The following EPB41L1 variants were observed in gnomAD, a reference collection of about 807,000 sequenced individuals.
EPB41L1 encodes the protein erythrocyte membrane protein band 4.1 like 1, also known as band 4.1-like protein 1.
A neutral mutation model predicts 97.8 loss-of-function variants in EPB41L1; 29 were observed. The observed-to-expected ratio is 0.30, with a 90% CI of 0.22 to 0.40. EPB41L1 has a LOEUF of 0.40. Among genes scored for constraint, EPB41L1 ranks in the 10% least tolerant of loss-of-function variants. The pLI is 1.00. For missense variants in EPB41L1, 812 were observed against 1,162.3 expected (o/e 0.70, Z 4.38); for synonymous variants, 383 against 459.2 (o/e 0.83, Z 2.12).
At chr20:36,222,882 T>C (rs1188215429) in intron 21 of EPB41L1, among the ~76,000 whole-genome samples, 1 of 152,128 alleles carries the variant, frequency 6.6e-6, no homozygotes. Context: ...TTGATCCCTT[T>C]TGTCTTGCTT....
At chr20:36,197,028 A>T (rs1368355073) in intron 13 of EPB41L1, among the ~76,000 whole-genome samples, 2 of 152,068 alleles carry the variant, frequency 1.3e-5, no homozygotes, top group Admixed American at 6.5e-5. Context: ...CTGGTCTCTA[A>T]TTCTCCTAAT....
intron 2 of EPB41L1, among the ~76,000 whole-genome samples, chr20:36,115,168 A>G (rs928576956): frequency 1.7e-4 from 26 of 152,100 alleles, no homozygotes; most frequent in Non-Finnish European, 5.9e-5. Context: ...TTATTTCCCC[A>G]TATTATCGAT....
At chr20:36,193,705 C>T (rs2062061596) in intron 11 of EPB41L1, among the ~76,000 whole-genome samples, 1 of 152,194 alleles carries the variant, frequency 6.6e-6, no homozygotes, top group East Asian at 1.9e-4. Context: ...ACTAGTAAAG[C>T]TAGTCTCACA....
At chr20:36,188,036 C>G (rs2061758722) in intron 8 of EPB41L1, among the ~76,000 whole-genome samples, 4 of 152,170 alleles carry the variant, frequency 2.6e-5, no homozygotes, top group Admixed American at 2.6e-4. Flanking sequence ...ATTTCTATAT[C>G]CCTAGCACCT....
chr20:36,092,842 G>T lies in EPB41L1; in HGVS notation c.-65+1230G>T, dbSNP rs1282825390. 3 of 152,430 alleles carry T rather than the reference G, an allele frequency of 2.0e-5. No individual in the cohort carries two copies. The highest frequency in any genetic ancestry group is 4.4e-5 in the Non-Finnish European group (3 of 68,046). 9.4% of individuals were successfully genotyped at this position (152,430 alleles called of 1,614,324 possible). A position where few individuals can be genotyped will look rare whatever the true frequency, so the allele number is the denominator to read the frequency against. On this transcript the variant is annotated intron_variant, in intron 1 of 19. Coordinates refer to the EPB41L1 transcript ENST00000202028. This position sits in a 1 kb window ranked among gnomAD's most constrained non-coding sequence, Gnocchi z 7.0. ...AGCCGCACCCGCCGTCCCCCTCCGCGTCCCGGGGACCCCGCCGCGTCGGGT... is the reference window on the plus strand; with the variant it reads ...AGCCGCACCCGCCGTCCCCCTCCGCTTCCCGGGGACCCCGCCGCGTCGGGT...
intron 21 of EPB41L1, among the ~76,000 whole-genome samples, chr20:36,224,699 T>C (rs1242035151): frequency 6.6e-6 from 1 of 152,210 alleles, no homozygotes; most frequent in Non-Finnish European, 1.5e-5. Flanking sequence ...AACTTTTTAA[T>C]GGAAACTAAA....
At chr20:36,117,383 G>A (rs889219333) in intron 2 of EPB41L1, among the ~76,000 whole-genome samples, 16 of 152,058 alleles carry the variant, frequency 1.1e-4, no homozygotes, top group Non-Finnish European at 5.9e-5. Context: ...AGGAATTCCA[G>A]CATTTCTGTA....
At chr20:36,225,925 C>T (rs1240133394) in intron 21 of EPB41L1, among the ~76,000 whole-genome samples, 1 of 152,180 alleles carries the variant, frequency 6.6e-6, no homozygotes, top group African/African-American at 2.4e-5. Context: ...CTCTTTAGTT[C>T]TTTCTTTGCT....
At chr20:36,097,722 A>G (rs1330125837) in intron 1 of EPB41L1, among the ~76,000 whole-genome samples, 1 of 152,218 alleles carries the variant, frequency 6.6e-6, no homozygotes, top group Non-Finnish European at 1.5e-5. Context: ...CCGTCTGGGT[A>G]TTTGAAATAG....
At position 36,195,474 on chromosome 20, in the gene EPB41L1, A is replaced by T; in HGVS notation, c.1485+110A>T. ...ACTTCCCTGGCACCATCTCAGCTTC[A>T]ACTTCATCTCTGCTCCCCAGCCATC... On this transcript the variant is annotated intron_variant, in intron 13 of 21. Transcript: ENST00000338074. This position sits in a 1 kb window ranked among gnomAD's most constrained non-coding sequence, Gnocchi z 4.6. 1.5e-6 allele frequency: 2 copies of T among 1,291,056 alleles called. No individual in the cohort carries two copies. The allele number at this position is 1,291,056 out of a possible 1,614,324, so 80.0% of individuals were successfully genotyped here.
upstream of EPB41L1, chr20:36,149,773 C>G (rs1457798720): frequency 6.6e-6 from 1 of 152,558 alleles, no homozygotes; most frequent in African/African-American, 2.4e-5. Context: ...CAGGAGCCAG[C>G]TGCCCTCCAG....
chr20:36,163,345 C>T (rs1040311379), intron 1 of EPB41L1, among the ~76,000 whole-genome samples: 1 of 152,172 alleles, frequency 6.6e-6, no homozygotes, highest in Non-Finnish European at 1.5e-5. Context: ...TAGTGTTTTA[C>T]AGGCATGATC....
At chr20:36,141,583 T>C (rs989250473) in intron 2 of EPB41L1, among the ~76,000 whole-genome samples, 2 of 152,074 alleles carry the variant, frequency 1.3e-5, no homozygotes, top group African/African-American at 4.8e-5. Context: ...TCTAGTGAGA[T>C]TCTAGGAGGG....
At chr20:36,151,085 C>T (rs975849119), upstream of EPB41L1, 8 of 152,194 alleles carry the variant, frequency 5.3e-5, no homozygotes, top group Admixed American at 5.2e-4. Context: ...AGGGGCCCTG[C>T]CTGAAGTGTT....
intron 2 of EPB41L1, among the ~76,000 whole-genome samples, chr20:36,136,422 C>G (rs2059419015): frequency 6.6e-6 from 1 of 150,512 alleles, no homozygotes; most frequent in African/African-American, 2.5e-5. Context: ...TCAAGTGATC[C>G]AACTGCCTCA....
chr20:36,160,514 G>T (rs1470232393), intron 1 of EPB41L1, among the ~76,000 whole-genome samples: 1 of 152,040 alleles, frequency 6.6e-6, no homozygotes, highest in East Asian at 1.9e-4. Context: ...GCACCCGGAA[G>T]GCAGAGGTTG....
At chr20:36,193,658 A>G (rs571982559) in intron 11 of EPB41L1, among the ~76,000 whole-genome samples, 2 of 152,228 alleles carry the variant, frequency 1.3e-5, no homozygotes, top group Non-Finnish European at 2.9e-5. Flanking sequence ...TTTATAAAGA[A>G]GGTAAATCAG....
chr20:36,196,447 A>G (rs191911273), intron 13 of EPB41L1, among the ~76,000 whole-genome samples: 3 of 152,234 alleles, frequency 2.0e-5, no homozygotes, highest in Admixed American at 6.5e-5. Context: ...TGCAGCCCAA[A>G]CCCTCTCCCT....
chr20:36,117,815 G>A (rs951819688), intron 2 of EPB41L1, among the ~76,000 whole-genome samples: 30 of 152,192 alleles, frequency 2.0e-4, no homozygotes, highest in Non-Finnish European at 1.0e-4. Context: ...GCCCAGTGTG[G>A]GGGAGGAGTC....
Sources: allele counts gnomAD v4.1 joint callset (sites outside exome capture counted in the v4.1 genomes callset), GRCh38; gene constraint gnomAD v4.1.1; non-coding constraint Gnocchi (gnomAD v3.1); transcripts MANE v1.5; gene names NCBI Gene and HGNC (gene_info 2026-07-23, HGNC 2026-07-21).